The following STMN2 variants were observed in gnomAD, a reference collection of about 807,000 sequenced individuals.
STMN2 encodes the protein stathmin 2, also known as stathmin-2.
In STMN2, 2 loss-of-function variants were observed where a neutral mutation model predicts 24.1. That is an observed-to-expected ratio of 0.08 (90% CI 0.03 to 0.26). The LOEUF is 0.26. STMN2 is among the 10% of genes least tolerant of loss of function. STMN2 has a pLI of 1.00. For synonymous variants in STMN2, 83 were observed against 77.5 expected (o/e 1.07, Z -0.37); for missense variants, 114 against 213.6 (o/e 0.53, Z 2.91).
intron 3 of STMN2, among the ~76,000 whole-genome samples, chr8:79,643,149 G>GTGTATATATA (rs764308760): frequency 1.9e-4 from 26 of 140,102 alleles, no homozygotes; most frequent in Non-Finnish European, 2.6e-4. Flanking sequence ...ATGTGTGTGT[G>GTGTATATATA]TATATATATA....
At chr8:79,656,626 T>C (rs947067981) in intron 4 of STMN2, among the ~76,000 whole-genome samples, 5 of 152,220 alleles carry the variant, frequency 3.3e-5, no homozygotes, top group Admixed American at 2.6e-4. Context: ...ATGTTCCCGC[T>C]TGACCAGTGC....
At chr8:79,640,910 C>T (rs984204123) in intron 2 of STMN2, among the ~76,000 whole-genome samples, 5 of 152,096 alleles carry the variant, frequency 3.3e-5, no homozygotes, top group African/African-American at 1.2e-4. Flanking sequence ...CATATATACG[C>T]ATATCTAGAT....
At chr8:79,631,576 A>C (rs1305880316) in intron 1 of STMN2, 2 of 593,320 alleles carry the variant, frequency 3.4e-6, no homozygotes, top group African/African-American at 4.0e-5. Flanking sequence ...TTTCTTTTTA[A>C]AGTTACATCA....
Position 79,664,914 on chromosome 8 carries a change from C to G in STMN2, c.*40C>G. 6.3e-7 allele frequency: 1 copy of G among 1,596,024 alleles called. No individual in the cohort carries two copies. Among genetic ancestry groups the G allele is most frequent in the Non-Finnish European group, 8.6e-7 (1 of 1,168,134 alleles). On this transcript the variant is annotated 3_prime_UTR_variant, in exon 5 of 5. Coordinates refer to ENST00000220876, the MANE Select transcript of STMN2 (RefSeq NM_007029.4). ...TGGCACGCCCCACCAATAGTAAATC[C>G]CCCTGCCTATATTATAATGGATCAT...
chr8:79,614,839 A>G (rs1474118057), intron 1 of STMN2, among the ~76,000 whole-genome samples: 12 of 152,234 alleles, frequency 7.9e-5, no homozygotes, highest in Admixed American at 7.9e-4. Flanking sequence ...CATTGAAAGC[A>G]GTTTTAATTA....
intron 1 of STMN2, among the ~76,000 whole-genome samples, chr8:79,632,600 C>T (rs917853825): frequency 1.3e-5 from 2 of 152,090 alleles, no homozygotes; most frequent in Non-Finnish European, 2.9e-5. Context: ...ACCAGTGTGT[C>T]GGGACACAAA....
chr8:79,638,377 C>G (rs984877905), intron 2 of STMN2, among the ~76,000 whole-genome samples: 1 of 152,112 alleles, frequency 6.6e-6, no homozygotes, highest in East Asian at 1.9e-4. Context: ...TTTTTATTTG[C>G]CTGCGTTCTC....
At chr8:79,641,018 T>A (rs1810084343) in intron 2 of STMN2, among the ~76,000 whole-genome samples, 1 of 152,160 alleles carries the variant, frequency 6.6e-6, no homozygotes, top group South Asian at 2.1e-4. Context: ...AACAAATAAA[T>A]CTGTGCTACT....
intron 3 of STMN2, among the ~76,000 whole-genome samples, chr8:79,645,008 C>T (rs530063187): frequency 4.6e-5 from 7 of 151,814 alleles, no homozygotes; most frequent in African/African-American, 7.3e-5. Flanking sequence ...TACAAAAATT[C>T]GCAGGGCATA....
At chr8:79,629,237 T>C (rs1412023084) in intron 1 of STMN2, among the ~76,000 whole-genome samples, 1 of 152,120 alleles carries the variant, frequency 6.6e-6, no homozygotes, top group Non-Finnish European at 1.5e-5. Flanking sequence ...GTTATAAACC[T>C]CAACGGTATT....
intron 1 of STMN2, chr8:79,611,694 A>C: frequency 1.5e-5 from 13 of 891,502 alleles, no homozygotes; most frequent in Non-Finnish European, 1.8e-5. Context: ...TGTTTGAAAG[A>C]TGGGTGGAGA....
At chr8:79,660,447 C>T (rs1319054800) in intron 4 of STMN2, among the ~76,000 whole-genome samples, 1 of 152,122 alleles carries the variant, frequency 6.6e-6, no homozygotes, top group African/African-American at 2.4e-5. Flanking sequence ...CCATGAAGTA[C>T]AGTACTTAGG....
intron 1 of STMN2, among the ~76,000 whole-genome samples, chr8:79,621,532 C>A (rs913970305): frequency 2.6e-5 from 4 of 152,152 alleles, no homozygotes; most frequent in Non-Finnish European, 4.4e-5. Flanking sequence ...CCTGGCCAGC[C>A]CTTCTTCCTC....
At chr8:79,656,412 G>A (rs1011661319) in intron 4 of STMN2, among the ~76,000 whole-genome samples, 25 of 152,150 alleles carry the variant, frequency 1.6e-4, no homozygotes, top group Admixed American at 6.5e-4. Flanking sequence ...ATGTCATTGC[G>A]TTTCACCCAA....
chr8:79,611,156 CT>C lies in STMN2; in HGVS notation c.-37del. 1 of 1,613,918 alleles carries C rather than the reference CT, an allele frequency of 6.2e-7. No individual in the cohort carries two copies. The highest frequency in any genetic ancestry group is 8.5e-7 in the Non-Finnish European group (1 of 1,179,986). On this transcript the variant is annotated 5_prime_UTR_variant, in exon 1 of 5. Coordinates refer to ENST00000220876, the MANE Select transcript of STMN2 (RefSeq NM_007029.4). ...CTCTCTCCGCTGCTGTAGCCGGACC[CT>C]TTGCCTTCGCCACTGCTCAGCGTCT...
intron 3 of STMN2, 78 bp downstream of exon 3, chr8:79,641,628 G>GCTCACA: frequency 2.3e-6 from 1 of 429,980 alleles, no homozygotes. Flanking sequence ...ACACATGCAC[G>GCTCACA]CACACACACA....
Position 79,642,873 on chromosome 8 carries a change from CAT to C in STMN2, c.288+1336_288+1337del, listed in dbSNP as rs71304766. ...TTCTCCAAATGTCCGATGAGCATGT[CAT>C]ATATATATATATGAATTTTTATATA... is the stretch of plus-strand genomic sequence containing the variant. On this transcript the variant is annotated intron_variant, in intron 3 of 4. Transcript: ENST00000220876. Among the ~76,000 whole-genome samples, 58 of 147,340 alleles carry C rather than the reference CAT, an allele frequency of 3.9e-4. No individual in the cohort carries two copies. The East Asian group carries it at 7.5e-3, about 19-fold the overall frequency.
intron 1 of STMN2, among the ~76,000 whole-genome samples, chr8:79,617,261 A>C (rs1024007786): frequency 1.4e-4 from 22 of 152,382 alleles, no homozygotes; most frequent in Middle Eastern, 3.4e-3. Context: ...TCTTCAAGGA[A>C]TAGCATCAAA....
intron 1 of STMN2, among the ~76,000 whole-genome samples, chr8:79,629,784 T>C (rs902256804): frequency 3.9e-5 from 6 of 152,168 alleles, no homozygotes; most frequent in Non-Finnish European, 8.8e-5. Flanking sequence ...TTCTTTTTGG[T>C]GAAACATCGA....
Sources: allele counts gnomAD v4.1 joint callset (sites outside exome capture counted in the v4.1 genomes callset), GRCh38; gene constraint gnomAD v4.1.1; transcripts MANE v1.5; gene names NCBI Gene and HGNC (gene_info 2026-07-23, HGNC 2026-07-21).